LRRFIP2: variants seen among roughly 807,000 people sequenced by gnomAD.
LRRFIP2 encodes LRR binding FLII interacting protein 2.
Under a neutral mutation model 125.9 loss-of-function variants are expected in LRRFIP2, and 109 were observed. The observed-to-expected ratio is 0.87, with a 90% CI of 0.74 to 1.01. The LOEUF (loss-of-function observed/expected upper bound fraction) is 1.01, where lower values mean the gene tolerates loss of function less well. LRRFIP2 is among the 50% of genes least tolerant of loss of function. The pLI is 0.00. For synonymous variants in LRRFIP2, 291 were observed against 293.1 expected, an observed-to-expected ratio of 0.99 and a Z score of 0.07; for missense variants, 850 against 862.3, an observed-to-expected ratio of 0.99 and a Z score of 0.18.
intron 19 of LRRFIP2, among the ~76,000 whole-genome samples, chr3:37,076,313 G>A (rs935474155): frequency 4.6e-5 from 7 of 151,648 alleles, no homozygotes; most frequent in Admixed American, 2.6e-4. Context: ...CCCTTGAGCC[G>A]AAGAATTCAA....
intron 15 of LRRFIP2, among the ~76,000 whole-genome samples, chr3:37,098,546 G>A (rs368896552): frequency 1.3e-3 from 203 of 151,756 alleles, no homozygotes; most frequent in African/African-American, 4.5e-3. Context: ...CCGCCATCAC[G>A]CCCGGCTAAT....
intron 2 of LRRFIP2, among the ~76,000 whole-genome samples, chr3:37,139,433 T>C (rs2095636005): frequency 1.3e-5 from 2 of 152,226 alleles, no homozygotes; most frequent in Admixed American, 1.3e-4. Context: ...AGCACTTCTT[T>C]CATTATTCCA....
intron 1 of LRRFIP2, among the ~76,000 whole-genome samples, chr3:37,154,415 G>A (rs1043960610): frequency 2.0e-5 from 3 of 152,120 alleles, no homozygotes; most frequent in Admixed American, 6.5e-5. Flanking sequence ...TCTACCCTAA[G>A]GTTTCCTCAA....
In LRRFIP2 at chr3:37,165,366, C is replaced by CA. The variant is rs995910442; in HGVS notation, c.-56+9172dup. 9.3e-5 allele frequency among the ~76,000 whole-genome samples: 12 copies of CA among 129,496 alleles called. No individual in the cohort carries two copies. In the South Asian group the frequency reaches 1.3e-3, roughly 14 times the overall value. The allele number at this position is 129,496 out of a possible 152,430, so 85.0% of individuals were successfully genotyped here. A position where few individuals can be genotyped will look rare whatever the true frequency, so the allele number is the denominator to read the frequency against. ...GGTTTCATCCCGAAACCAACCCCCC[C>CA]ACCCACCCCACCCCCGTCCATGGAA... is the stretch of plus-strand genomic sequence containing the variant. On this transcript the variant is annotated intron_variant, in intron 1 of 27. Coordinates refer to ENST00000336686, the MANE Select transcript of LRRFIP2 (RefSeq NM_006309.4).
chr3:37,164,324 G>C (rs1203090921), intron 1 of LRRFIP2, among the ~76,000 whole-genome samples: 4 of 152,024 alleles, frequency 2.6e-5, no homozygotes, highest in Non-Finnish European at 5.9e-5. Flanking sequence ...AGGGAAAGTG[G>C]GATGAAATAG....
chr3:37,068,873 T>A (rs1285865101), intron 21 of LRRFIP2: 9 of 152,288 alleles, frequency 5.9e-5, no homozygotes, highest in African/African-American at 2.2e-4. Flanking sequence ...ACGCACCTAT[T>A]CTATACATGG....
At chr3:37,140,249 T>C (rs2095658600) in intron 2 of LRRFIP2, 1 of 152,136 alleles carries the variant, frequency 6.6e-6, no homozygotes, top group South Asian at 2.1e-4. Context: ...GGCCATACTG[T>C]TAGTCTGTAA....
At chr3:37,175,664 GC>G (rs1340055433), upstream of LRRFIP2, among the ~76,000 whole-genome samples, 1 of 152,114 alleles carries the variant, frequency 6.6e-6, no homozygotes, top group African/African-American at 2.4e-5. Context: ...AAAATGCTAC[GC>G]CCTACACCGT....
Position 37,102,997 on chromosome 3 carries a change from TA to T in LRRFIP2, c.799del (p.Tyr267IlefsTer53). ...TCCCCTACGATTGGAGCGACTGAAA[TA>T]ATCAGCGGCAGATACCTTTCGGTCA... ...RRESVVSAADYFSRSNRRGSV... is the reference protein window; with the variant it reads ...RRESVVSAADXFSRSNRRGSV... On this transcript the variant is annotated frameshift_variant, in exon 15 of 28. Coordinates refer to ENST00000336686, the MANE Select transcript of LRRFIP2 (RefSeq NM_006309.4). LOFTEE classifies it high-confidence loss of function. 1 of 1,562,992 alleles carries T rather than the reference TA, an allele frequency of 6.4e-7. No individual in the cohort carries two copies. Among genetic ancestry groups the T allele is most frequent in the South Asian group, 1.2e-5 (1 of 84,968 alleles).
chr3:37,175,997 G>C (rs892716766), upstream of LRRFIP2: 5 of 152,290 alleles, frequency 3.3e-5, no homozygotes, highest in Non-Finnish European at 5.9e-5. Flanking sequence ...CGGAGGCCGG[G>C]AAAAAGGTTC....
chr3:37,072,039 G>A (rs187252874), intron 21 of LRRFIP2, among the ~76,000 whole-genome samples: 2 of 152,294 alleles, frequency 1.3e-5, no homozygotes, highest in East Asian at 3.9e-4. Context: ...ATCCATTTCT[G>A]TAATTGAATT....
At chr3:37,109,750 G>A in intron 9 of LRRFIP2, 47 bp from the exon 10 acceptor site, 1 of 1,542,272 alleles carries the variant, frequency 6.5e-7, no homozygotes, top group African/African-American at 1.4e-5. Flanking sequence ...AAACAAAGAT[G>A]AATTGGTCTC....
At chr3:37,117,767 T>C (rs1198920541) in intron 6 of LRRFIP2, among the ~76,000 whole-genome samples, 1 of 152,176 alleles carries the variant, frequency 6.6e-6, no homozygotes, top group Non-Finnish European at 1.5e-5. Context: ...ATTACTCAAA[T>C]ATCAAGGACA....
At chr3:37,143,719 A>T in intron 2 of LRRFIP2, 1 of 166,392 alleles carries the variant, frequency 6.0e-6, no homozygotes, top group South Asian at 1.5e-4. Context: ...TATTTCCCCT[A>T]TCTCTGATGT....
upstream of LRRFIP2, chr3:37,174,944 T>C (rs1408752174): frequency 6.6e-6 from 1 of 152,224 alleles, no homozygotes; most frequent in Admixed American, 6.5e-5. Flanking sequence ...TAGGTCATTA[T>C]CTCTGCATCT....
At chr3:37,120,366 A>G (rs749476507) in intron 6 of LRRFIP2, among the ~76,000 whole-genome samples, 8 of 152,128 alleles carry the variant, frequency 5.3e-5, no homozygotes, top group Non-Finnish European at 1.0e-4. Context: ...TGGCCTCCCA[A>G]CGTGCTGGGA....
chr3:37,059,455 C>T (rs1385084471), intron 24 of LRRFIP2, among the ~76,000 whole-genome samples: 1 of 152,146 alleles, frequency 6.6e-6, no homozygotes, highest in Non-Finnish European at 1.5e-5. Flanking sequence ...TACTTTTAGA[C>T]ATAGGTTAAA....
Position 37,065,884 on chromosome 3 carries a change from G to A in LRRFIP2, c.1625C>T (p.Pro542Leu). ...GTPNGDVSHEPVAGAITVVSQ... is the reference protein window; with the variant it reads ...GTPNGDVSHELVAGAITVVSQ... Reference sequence around the variant, plus strand: ...CACAACAGTGATGGCTCCAGCCACTGGTTCATGACTGACATCACCATTGGG... The same window carrying A: ...CACAACAGTGATGGCTCCAGCCACTAGTTCATGACTGACATCACCATTGGG... The change falls in exon 23 of 28, where the codon CCA becomes CTA. Residue 542 changes from proline to leucine, a missense_variant. Transcript: ENST00000336686. 1 of 1,614,158 alleles carries A rather than the reference G, an allele frequency of 6.2e-7. No individual in the cohort carries two copies. Among genetic ancestry groups the A allele is most frequent in the Non-Finnish European group, 8.5e-7 (1 of 1,179,990 alleles).
intron 1 of LRRFIP2, among the ~76,000 whole-genome samples, chr3:37,159,989 C>CAAAAAAAAAAAA (rs58005486): frequency 2.1e-5 from 1 of 46,938 alleles, no homozygotes; most frequent in Admixed American, 3.7e-4. Flanking sequence ...GCCCTATGCG[C>CAAAAAAAAAAAA]AAAAAAAAAA....
Sources: allele counts gnomAD v4.1 joint callset (sites outside exome capture counted in the v4.1 genomes callset), GRCh38; gene constraint gnomAD v4.1.1; transcripts MANE v1.5; gene names NCBI Gene and HGNC (gene_info 2026-07-23, HGNC 2026-07-21).